The following STARD6 variants were observed in gnomAD, a reference collection of about 807,000 sequenced individuals.
STARD6 encodes StAR related lipid transfer domain containing 6, also known as stAR-related lipid transfer protein 6.
In STARD6, 21 loss-of-function variants were observed where a neutral mutation model predicts 22.3. The ratio of observed to expected loss-of-function variants is 0.94; its 90% CI spans 0.67 to 1.35. The LOEUF is 1.35. Ranked by LOEUF, STARD6 falls within the 40% of genes most tolerant of loss-of-function variation. The pLI is 0.00. For missense variants in STARD6, 269 were observed against 266.9 expected (o/e 1.01, Z -0.05); for synonymous variants, 80 against 88.1 (o/e 0.91, Z 0.52).
chr18:54,350,736 G>A (rs1316507646), intron 4 of STARD6, among the ~76,000 whole-genome samples: 2 of 152,164 alleles, frequency 1.3e-5, no homozygotes, highest in Non-Finnish European at 2.9e-5. Context: ...TTGTTGAATA[G>A]GGTGTCCTTT....
intron 4 of STARD6, among the ~76,000 whole-genome samples, chr18:54,338,774 G>A (rs1196175192): frequency 6.6e-6 from 1 of 151,880 alleles, no homozygotes; most frequent in Non-Finnish European, 1.5e-5. Flanking sequence ...ATTTGGACGG[G>A]CGCAGTGGCT....
chr18:54,339,055 A>G (rs2088945055), intron 4 of STARD6, among the ~76,000 whole-genome samples: 1 of 144,204 alleles, frequency 6.9e-6, no homozygotes, highest in African/African-American at 2.5e-5. Context: ...AAAAAAAAAA[A>G]AAAAAAAAAA....
At chr18:54,356,908 C>T (rs771736529) in intron 1 of STARD6, 5 of 152,188 alleles carry the variant, frequency 3.3e-5, no homozygotes, top group Admixed American at 6.5e-5. Context: ...ACTATTACTG[C>T]CACAATAGAC....
chr18:54,354,454 C>T, intron 3 of STARD6, 30 bp downstream of exon 3: 1 of 1,544,012 alleles, frequency 6.5e-7, no homozygotes, highest in Non-Finnish European at 8.9e-7. Flanking sequence ...AAAACAAAGT[C>T]TTGAAACATA....
intron 1 of STARD6, chr18:54,357,276 G>C (rs2089159122): frequency 6.6e-6 from 1 of 152,168 alleles, no homozygotes; most frequent in South Asian, 2.1e-4. Flanking sequence ...CCCTCTTTCT[G>C]AGCTGCCTGA....
intron 5 of STARD6, 40 bp downstream of exon 5, chr18:54,337,085 T>C: frequency 6.5e-7 from 1 of 1,549,536 alleles, no homozygotes; most frequent in Non-Finnish European, 8.8e-7. Flanking sequence ...ACTAAAAATA[T>C]ATTAATGTTC....
At position 54,354,209 on chromosome 18, in the gene STARD6, GA is replaced by G. The variant is rs78759091; in HGVS notation, c.91-107del. 364 of 711,558 alleles carry G rather than the reference GA, an allele frequency of 5.1e-4. 2 individuals are homozygous for G. In the African/African-American group the frequency reaches 5.5e-3, roughly 11 times the overall value. 44.1% of individuals were successfully genotyped at this position (711,558 alleles called of 1,614,324 possible). A position where few individuals can be genotyped will look rare whatever the true frequency, so the allele number is the denominator to read the frequency against. On this transcript the variant is annotated intron_variant, in intron 3 of 7. Transcript: ENST00000307844. ...ACACTTTTTTTTCTGGTTTGTAAAA[GA>G]AAAAAATATATATATATATTTTTCA...
Position 54,324,538 on chromosome 18 carries a change from G to T in STARD6, c.*154C>A. ...ATGCCATATTCTTGTACAACTATGA[G>T]TTCTTATTTTTATGAACTATCTTCA... On this transcript the variant is annotated 3_prime_UTR_variant, in exon 8 of 8. Transcript: ENST00000307844. 1 of 614,636 alleles carries T rather than the reference G, an allele frequency of 1.6e-6. No individual in the cohort carries two copies. The highest frequency in any genetic ancestry group is 2.6e-6 in the Non-Finnish European group (1 of 385,634). The allele number at this position is 614,636 out of a possible 1,614,324, so 38.1% of individuals were successfully genotyped here.
intron 4 of STARD6, among the ~76,000 whole-genome samples, chr18:54,339,144 A>C (rs931032558): frequency 6.6e-6 from 1 of 151,206 alleles, no homozygotes; most frequent in Admixed American, 6.6e-5. Context: ...AAAAGGTAGA[A>C]AAATAAACAG....
chr18:54,340,399 C>CCAAAAAATGTAGTT (rs879628408), intron 4 of STARD6, among the ~76,000 whole-genome samples: 19 of 151,636 alleles, frequency 1.3e-4, no homozygotes, highest in Non-Finnish European at 2.7e-4. Flanking sequence ...AAGAAAATAA[C>CCAAAAAATGTAGTT]CAAAAAATGT....
At position 54,333,192 on chromosome 18, in the gene STARD6, G is replaced by A. The variant is rs1051016660; in HGVS notation, c.268-1333C>T. Among the ~76,000 whole-genome samples the A allele has an allele frequency of 2.0e-5, 3 of 152,328 alleles. No individual in the cohort carries two copies. The South Asian group carries it at 6.2e-4, about 32-fold the overall frequency. ...GGGCTGGGTGCGGTGGCTCACGCCT[G>A]TAATCCCAGCACTTTGGGAGGCCGA... On this transcript the variant is annotated intron_variant, in intron 5 of 7. Coordinates refer to ENST00000307844, the MANE Select transcript of STARD6 (RefSeq NM_139171.2).
At chr18:54,347,377 C>G (rs910145104) in intron 4 of STARD6, among the ~76,000 whole-genome samples, 19 of 152,156 alleles carry the variant, frequency 1.2e-4, no homozygotes, top group Admixed American at 7.9e-4. Flanking sequence ...TCTGCCCACA[C>G]CCAGCATTAA....
At position 54,337,110 on chromosome 18, in the gene STARD6, T is replaced by C. The variant is rs551881795; in HGVS notation, c.267+15A>G. 6 of 1,602,566 alleles carry C rather than the reference T, an allele frequency of 3.7e-6. No homozygotes were observed. Among genetic ancestry groups the C allele is most frequent in the African/African-American group, 2.7e-5 (2 of 74,526 alleles). On this transcript the variant is annotated intron_variant, in intron 5 of 7. Coordinates refer to ENST00000307844, the MANE Select transcript of STARD6 (RefSeq NM_139171.2). Reference sequence around the variant, plus strand: ...TATTAATGTTCTAGAAGTCCAGTATTAAACAACAAATTACCGAATCAATCC... The same window carrying C: ...TATTAATGTTCTAGAAGTCCAGTATCAAACAACAAATTACCGAATCAATCC...
chr18:54,352,588 A>C (rs1211297328), intron 4 of STARD6, among the ~76,000 whole-genome samples: 2 of 152,176 alleles, frequency 1.3e-5, no homozygotes, highest in African/African-American at 4.8e-5. Flanking sequence ...ATAAGATAAT[A>C]AATGTTTAAG....
At chr18:54,347,728 T>C (rs972862143) in intron 4 of STARD6, among the ~76,000 whole-genome samples, 2 of 151,728 alleles carry the variant, frequency 1.3e-5, no homozygotes, top group African/African-American at 4.9e-5. Flanking sequence ...TTCCTCCAAA[T>C]ATATCTACAC....
chr18:54,353,385 T>G (rs972717762), intron 4 of STARD6, among the ~76,000 whole-genome samples: 4 of 152,164 alleles, frequency 2.6e-5, no homozygotes, highest in Non-Finnish European at 5.9e-5. Flanking sequence ...AATGAGGAAG[T>G]AGGCTGGGCA....
Position 54,331,831 on chromosome 18 carries a change from T to C in STARD6, c.296A>G (p.Gln99Arg). 6.2e-7 allele frequency: 1 copy of C among 1,612,658 alleles called. No individual in the cohort carries two copies. The highest frequency in any genetic ancestry group is 1.3e-5 in the African/African-American group (1 of 75,024). The change falls in exon 6 of 8, where the codon CAA becomes CGA. Residue 99 changes from glutamine to arginine, a missense_variant. By Grantham distance (43) the Gln-to-Arg change is conservative (BLOSUM62 1). Coordinates refer to ENST00000307844, the MANE Select transcript of STARD6 (RefSeq NM_139171.2). ...GGAAATGGAGCCCACGGCAAAACTT[T>C]GTGTAATGGTATGACATATGAATGT... ...SDTFICHTIT[Q>R]SFAVGSISPR...
At chr18:54,335,155 T>A (rs2088896678) in intron 5 of STARD6, among the ~76,000 whole-genome samples, 1 of 151,124 alleles carries the variant, frequency 6.6e-6, no homozygotes, top group African/African-American at 2.5e-5. Flanking sequence ...CATCCCCCCA[T>A]CCCTCCAGGT....
intron 5 of STARD6, among the ~76,000 whole-genome samples, chr18:54,335,089 CACAA>C (rs1303893975): frequency 1.3e-5 from 2 of 152,092 alleles, no homozygotes; most frequent in African/African-American, 2.4e-5. Context: ...ATGGAGAAAA[CACAA>C]ACAACTGGAA....
Sources: allele counts gnomAD v4.1 joint callset (sites outside exome capture counted in the v4.1 genomes callset), GRCh38; gene constraint gnomAD v4.1.1; transcripts MANE v1.5; gene names NCBI Gene and HGNC (gene_info 2026-07-23, HGNC 2026-07-21).